RSPO2: variants seen among roughly 807,000 people sequenced by gnomAD.
RSPO2 encodes the protein R-spondin-2.
In RSPO2, 14 loss-of-function variants were observed where a neutral mutation model predicts 30.9. That is an observed-to-expected ratio of 0.45 (90% CI 0.30 to 0.71). RSPO2 has a LOEUF of 0.71. Among genes scored for constraint, RSPO2 ranks in the 30% least tolerant of loss-of-function variants. RSPO2 has a pLI of 0.08. For synonymous variants in RSPO2, 107 were observed against 96.4 expected (o/e 1.11, Z -0.64); for missense variants, 264 against 301.9 (o/e 0.87, Z 0.93).
At chr8:107,925,053 T>C (rs541975062) in intron 5 of RSPO2, among the ~76,000 whole-genome samples, 1 of 152,200 alleles carries the variant, frequency 6.6e-6, no homozygotes, top group Admixed American at 6.6e-5. Flanking sequence ...TGATAACATA[T>C]GATTTTTTTA....
At chr8:107,921,466 G>A (rs563288933) in intron 5 of RSPO2, among the ~76,000 whole-genome samples, 1 of 152,130 alleles carries the variant, frequency 6.6e-6, no homozygotes, top group South Asian at 2.1e-4. Flanking sequence ...AACAGCAGAG[G>A]CCACAAAATC....
At chr8:108,079,649 T>C (rs1213569971) in intron 2 of RSPO2, among the ~76,000 whole-genome samples, 1 of 151,534 alleles carries the variant, frequency 6.6e-6, no homozygotes, top group Non-Finnish European at 1.5e-5. Flanking sequence ...CCAAAGGAGT[T>C]CGGAGAATGC....
chr8:108,003,277 GTATATATATA>G (rs59782097), intron 2 of RSPO2, among the ~76,000 whole-genome samples: 2 of 56,384 alleles, frequency 3.5e-5, no homozygotes, highest in East Asian at 6.8e-4. Flanking sequence ...GTGTGTGTGT[GTATATATATA>G]TATATATATA....
intron 2 of RSPO2, among the ~76,000 whole-genome samples, chr8:108,025,177 A>G (rs1422571342): frequency 1.3e-5 from 2 of 152,238 alleles, no homozygotes; most frequent in Non-Finnish European, 2.9e-5. Flanking sequence ...GAAGGCATAG[A>G]AATAATAACA....
chr8:107,922,451 G>A (rs922807891), intron 5 of RSPO2, among the ~76,000 whole-genome samples: 1 of 151,992 alleles, frequency 6.6e-6, no homozygotes, highest in African/African-American at 2.4e-5. Context: ...GAAACAAATA[G>A]AAAAATATTC....
chr8:107,962,967 T>C (rs115887355), intron 3 of RSPO2, among the ~76,000 whole-genome samples: 2,000 of 152,274 alleles, frequency 0.013, 43 homozygotes, highest in African/African-American at 0.046. Flanking sequence ...CTGATCTTTA[T>C]TGTTACTTGT....
intron 2 of RSPO2, among the ~76,000 whole-genome samples, chr8:108,066,136 T>C (rs1473592303): frequency 6.6e-6 from 1 of 152,238 alleles, no homozygotes; most frequent in Non-Finnish European, 1.5e-5. Context: ...AGTGGCTAGC[T>C]GCCATTCAAG....
intron 2 of RSPO2, among the ~76,000 whole-genome samples, chr8:108,064,318 AC>A (rs1406767886): frequency 5.9e-5 from 9 of 151,948 alleles, no homozygotes; most frequent in African/African-American, 1.7e-4. Flanking sequence ...TACAAAAAAA[AC>A]AAATTTACAA....
chr8:107,929,558 A>G (rs1350537358), intron 5 of RSPO2, among the ~76,000 whole-genome samples: 1 of 152,156 alleles, frequency 6.6e-6, no homozygotes, highest in African/African-American at 2.4e-5. Flanking sequence ...GAGGACAGAG[A>G]ACTTTTTCAA....
At position 108,082,753 on chromosome 8, in the gene RSPO2, C is replaced by T. The variant is rs2130744191; in HGVS notation, c.-115G>A. On this transcript the variant is annotated 5_prime_UTR_variant, in exon 2 of 6. Coordinates refer to ENST00000276659, the MANE Select transcript of RSPO2 (RefSeq NM_178565.5). ...AGGACTCAGAGGGAGACTCGCCACT[C>T]ACCCCCGGGCCGCACCGGTCAGTTC... is the stretch of plus-strand genomic sequence containing the variant. 1 of 766,060 alleles carries T rather than the reference C, an allele frequency of 1.3e-6. No homozygotes were observed. The allele number at this position is 766,060 out of a possible 1,614,324, so 47.5% of individuals were successfully genotyped here. A position where few individuals can be genotyped will look rare whatever the true frequency, so the allele number is the denominator to read the frequency against.
At chr8:108,011,693 T>C (rs1179028855) in intron 2 of RSPO2, among the ~76,000 whole-genome samples, 4 of 152,266 alleles carry the variant, frequency 2.6e-5, no homozygotes, top group Admixed American at 2.6e-4. Context: ...AAGAACAAAG[T>C]AGAATGTGTG....
chr8:107,982,442 A>T (rs1814476184), intron 3 of RSPO2, among the ~76,000 whole-genome samples: 1 of 152,086 alleles, frequency 6.6e-6, no homozygotes, highest in African/African-American at 2.4e-5. Context: ...TTTGGACTCT[A>T]TCCTCTTCTG....
Position 107,900,956 on chromosome 8 carries a change from TG to T in RSPO2, c.*118del. ...GTGGTGCTTCCTTTCACCATGTTACTGGGAACAGATACTGGGCAGAGCAGCA... is the reference window on the plus strand; with the variant it reads ...GTGGTGCTTCCTTTCACCATGTTACTGGAACAGATACTGGGCAGAGCAGCA... On this transcript the variant is annotated 3_prime_UTR_variant, in exon 6 of 6. Transcript: ENST00000276659. 9.6e-7 allele frequency: 1 copy of T among 1,045,846 alleles called. No individual in the cohort carries two copies. Among genetic ancestry groups the T allele is most frequent in the Non-Finnish European group, 1.4e-6 (1 of 721,794 alleles). 64.8% of individuals were successfully genotyped at this position (1,045,846 alleles called of 1,614,324 possible).
At chr8:108,001,998 A>G (rs1815264284) in intron 2 of RSPO2, among the ~76,000 whole-genome samples, 2 of 152,172 alleles carry the variant, frequency 1.3e-5, no homozygotes, top group Admixed American at 6.5e-5. Context: ...GCACATATAT[A>G]CCTATGTAAC....
chr8:107,987,647 T>C (rs140085396), intron 3 of RSPO2, among the ~76,000 whole-genome samples: 15 of 152,348 alleles, frequency 9.8e-5, no homozygotes, highest in African/African-American at 3.4e-4. Flanking sequence ...AACAGAGAAC[T>C]GCATTGCCAA....
chr8:107,917,797 T>C (rs1371958311), intron 5 of RSPO2, among the ~76,000 whole-genome samples: 1 of 152,208 alleles, frequency 6.6e-6, no homozygotes. Context: ...TTAGTGTATG[T>C]CATTAATAGT....
Position 107,901,063 on chromosome 8 carries a change from G to T in RSPO2, c.*12C>A, listed in dbSNP as rs375748542. ...AAACAAAAACCCCTAAAAATCTACC[G>T]GATCTCTTGTTTTATTGGTTAGCTC... On this transcript the variant is annotated 3_prime_UTR_variant, in exon 6 of 6. Coordinates refer to ENST00000276659, the MANE Select transcript of RSPO2 (RefSeq NM_178565.5). 14 of 1,610,174 alleles carry T rather than the reference G, an allele frequency of 8.7e-6. No homozygotes were observed. Among genetic ancestry groups the T allele is most frequent in the Non-Finnish European group, 1.2e-5 (14 of 1,179,076 alleles).
chr8:107,989,388 C>T, intron 2 of RSPO2, 144 bp from the exon 3 acceptor site: 3 of 569,058 alleles, frequency 5.3e-6, no homozygotes, highest in Non-Finnish European at 8.7e-6. Flanking sequence ...CCCTTCTTCC[C>T]TCTACCTCCT....
intron 5 of RSPO2, among the ~76,000 whole-genome samples, chr8:107,922,942 A>G (rs1812227770): frequency 6.6e-6 from 1 of 152,178 alleles, no homozygotes; most frequent in South Asian, 2.1e-4. Flanking sequence ...AAGATAAATT[A>G]AAGTCTTAAA....
Sources: allele counts gnomAD v4.1 joint callset (sites outside exome capture counted in the v4.1 genomes callset), GRCh38; gene constraint gnomAD v4.1.1; transcripts MANE v1.5; gene names NCBI Gene and HGNC (gene_info 2026-07-23, HGNC 2026-07-21).